Variants in HTRA1 observed in about 807,000 individuals in gnomAD.
HTRA1 encodes the protein serine protease HTRA1.
Under a neutral mutation model 49.7 loss-of-function variants are expected in HTRA1, and 26 were observed. The ratio of observed to expected loss-of-function variants is 0.52; its 90% CI spans 0.38 to 0.73. The LOEUF (loss-of-function observed/expected upper bound fraction) is 0.73, where lower values mean the gene tolerates loss of function less well. Ranked by LOEUF, HTRA1 falls within the 30% of genes least tolerant of loss-of-function variation. HTRA1 has a pLI of 0.00. For synonymous variants in HTRA1, 291 were observed against 286.9 expected (o/e 1.01, Z -0.14); for missense variants, 561 against 667.2 (o/e 0.84, Z 1.75).
intron 1 of HTRA1, among the ~76,000 whole-genome samples, chr10:122,472,378 T>C (rs976271934): frequency 1.4e-4 from 6 of 43,346 alleles, no homozygotes; most frequent in Admixed American, 1.9e-4. Flanking sequence ...ACTATTATTA[T>C]TATTATTATT....
At chr10:122,479,454 C>T (rs2097490043) in intron 1 of HTRA1, among the ~76,000 whole-genome samples, 2 of 152,028 alleles carry the variant, frequency 1.3e-5, no homozygotes, top group African/African-American at 4.8e-5. Context: ...TGCAGGCTTG[C>T]AGGCTTGCAG....
At position 122,512,054 on chromosome 10, in the gene HTRA1, C is replaced by G; in HGVS notation, c.1263C>G (p.Thr421=). The change falls in exon 8 of 9, where the codon ACC becomes ACG. Residue 421 remains threonine (T), a synonymous_variant. Coordinates refer to ENST00000368984, the MANE Select transcript of HTRA1 (RefSeq NM_002775.5). ...ATATAATTGAAGTAATTCCTGATAC[C>G]CCAGCAGAAGCGTGAGTTGGAGTCG... ...GAYIIEVIPD[T]PAEAGGLKEN... 6.2e-7 allele frequency: 1 copy of G among 1,609,758 alleles called. No homozygotes were observed.
At chr10:122,507,962 T>TTTATAGAGGGCAGCTCC (rs1565434913) in intron 5 of HTRA1, among the ~76,000 whole-genome samples, 2 of 151,416 alleles carry the variant, frequency 1.3e-5, no homozygotes, top group African/African-American at 4.9e-5. Context: ...AGGGCAGCTC[T>TTTATAGAGGGCAGCTCC]GGGGCCATTT....
At chr10:122,495,824 T>C (rs10887154) in intron 3 of HTRA1, among the ~76,000 whole-genome samples, 19,245 of 152,176 alleles carry the variant, frequency 0.13, 1,459 homozygotes, top group South Asian at 0.32. Flanking sequence ...TTTGACAGTT[T>C]ATCAAGTGTG....
chr10:122,467,540 G>A (rs1165250877), intron 1 of HTRA1, among the ~76,000 whole-genome samples: 1 of 152,148 alleles, frequency 6.6e-6, no homozygotes, highest in Non-Finnish European at 1.5e-5. Flanking sequence ...TAAAGCCAAG[G>A]CTGGCATCGA....
At chr10:122,507,068 G>A (rs184365868) in intron 4 of HTRA1, among the ~76,000 whole-genome samples, 183 bp downstream of exon 4, 21 of 152,292 alleles carry the variant, frequency 1.4e-4, no homozygotes, top group South Asian at 4.1e-4. Context: ...CGGTGACACC[G>A]GAGCAGGTGG....
intron 7 of HTRA1, among the ~76,000 whole-genome samples, chr10:122,511,470 C>T (rs753286481): frequency 2.0e-5 from 3 of 152,122 alleles, no homozygotes; most frequent in Non-Finnish European, 4.4e-5. Context: ...CGGTGGCTCA[C>T]ATCTGTAATC....
chr10:122,496,015 G>T (rs1251545132), intron 3 of HTRA1, among the ~76,000 whole-genome samples: 2 of 152,208 alleles, frequency 1.3e-5, no homozygotes, highest in African/African-American at 4.8e-5. Flanking sequence ...CACGTGGCCC[G>T]TGAAGCCAAA....
intron 1 of HTRA1, among the ~76,000 whole-genome samples, chr10:122,475,883 C>T (rs1316865378): frequency 2.6e-5 from 4 of 152,224 alleles, no homozygotes; most frequent in Non-Finnish European, 5.9e-5. Flanking sequence ...AGTGCTGGGC[C>T]GGGCTCTGGG....
intron 8 of HTRA1, among the ~76,000 whole-genome samples, chr10:122,513,750 A>C (rs372926458): frequency 6.6e-4 from 98 of 149,500 alleles, no homozygotes; most frequent in African/African-American, 2.3e-3. Flanking sequence ...TTTTTTTGAG[A>C]TGGAATCCCA....
intron 1 of HTRA1, among the ~76,000 whole-genome samples, chr10:122,474,410 G>C (rs1185284150): frequency 6.6e-6 from 1 of 152,040 alleles, no homozygotes; most frequent in African/African-American, 2.4e-5. Context: ...TTGATACAGG[G>C]GCTCGTTCAC....
At chr10:122,508,193 T>C (rs1012315892) in intron 5 of HTRA1, among the ~76,000 whole-genome samples, 1 of 152,174 alleles carries the variant, frequency 6.6e-6, no homozygotes, top group African/African-American at 2.4e-5. Context: ...CGCGCAGCAC[T>C]TGGGGATGGA....
intron 1 of HTRA1, among the ~76,000 whole-genome samples, chr10:122,469,570 G>A (rs2097485247): frequency 6.6e-6 from 1 of 152,210 alleles, no homozygotes; most frequent in African/African-American, 2.4e-5. Flanking sequence ...AAACAGAACA[G>A]TGACCCAAAG....
chr10:122,498,578 A>T (rs1439775362), intron 3 of HTRA1, among the ~76,000 whole-genome samples: 1 of 152,108 alleles, frequency 6.6e-6, no homozygotes, highest in Non-Finnish European at 1.5e-5. Flanking sequence ...AAGGGTTCTG[A>T]AGCTGTTCAG....
At chr10:122,508,808 T>A (rs2097504323) in intron 6 of HTRA1, 38 bp downstream of exon 6, 3 of 1,251,878 alleles carry the variant, frequency 2.4e-6, no homozygotes, top group Admixed American at 1.7e-5. Context: ...ACTCCGGAGA[T>A]GGGGCCTGAA....
intron 1 of HTRA1, among the ~76,000 whole-genome samples, chr10:122,484,813 C>T (rs2097492412): frequency 6.6e-6 from 1 of 152,230 alleles, no homozygotes; most frequent in Non-Finnish European, 1.5e-5. Flanking sequence ...CCTGTGCCAG[C>T]CTTCTCCTCA....
At position 122,489,510 on chromosome 10, in the gene HTRA1, G is replaced by A; in HGVS notation, c.661G>A (p.Val221Met). 6 of 1,614,196 alleles carry A rather than the reference G, an allele frequency of 3.7e-6. No individual in the cohort carries two copies. Among genetic ancestry groups the A allele is most frequent in the Non-Finnish European group, 4.2e-6 (5 of 1,180,022 alleles). The change falls in exon 3 of 9, where the codon GTG becomes ATG. Residue 221 changes from valine (V) to methionine (M), a missense_variant. Val to Met is a conservative substitution (Grantham distance 21). This residue lies in a region of HTRA1 where 271 missense variants were observed against 410.0 expected (regional missense o/e 0.66). Coordinates refer to ENST00000368984, the MANE Select transcript of HTRA1 (RefSeq NM_002775.5). Reference sequence around the variant, plus strand: ...TGGACTGATCGTGACAAATGCCCACGTGGTGACCAACAAGCACCGGGTCAA... The same window carrying A: ...TGGACTGATCGTGACAAATGCCCACATGGTGACCAACAAGCACCGGGTCAA... ...EDGLIVTNAH[V>M]VTNKHRVKVE...
chr10:122,476,206 A>G (rs1346733758), intron 1 of HTRA1, among the ~76,000 whole-genome samples: 1 of 152,132 alleles, frequency 6.6e-6, no homozygotes, highest in Non-Finnish European at 1.5e-5. Context: ...TCTGCAGTTC[A>G]CGGCTCAGTT....
chr10:122,512,580 C>T (rs2097506117), intron 8 of HTRA1, among the ~76,000 whole-genome samples: 1 of 152,200 alleles, frequency 6.6e-6, no homozygotes, highest in African/African-American at 2.4e-5. Flanking sequence ...GCGGAATATC[C>T]AGAGAAAAGT....
Sources: allele counts gnomAD v4.1 joint callset (sites outside exome capture counted in the v4.1 genomes callset), GRCh38; gene constraint gnomAD v4.1.1; regional missense constraint gnomAD v4.1.1; transcripts MANE v1.5; gene names NCBI Gene and HGNC (gene_info 2026-07-23, HGNC 2026-07-21).